The following MCF2L variants were observed in gnomAD, a reference collection of about 807,000 sequenced individuals.
MCF2L encodes guanine nucleotide exchange factor DBS.
Under a neutral mutation model 153.4 loss-of-function variants are expected in MCF2L, and 97 were observed. That is an observed-to-expected ratio of 0.63 (90% CI 0.54 to 0.75). MCF2L has a LOEUF of 0.75. Among genes scored for constraint, MCF2L ranks in the 30% least tolerant of loss-of-function variants. MCF2L has a pLI of 0.00. For missense variants in MCF2L, 1,347 were observed against 1,495.2 expected (o/e 0.90, Z 1.64); for synonymous variants, 659 against 632.2 (o/e 1.04, Z -0.64).
chr13:113,017,604 T>G (rs1275283569), intron 2 of MCF2L, among the ~76,000 whole-genome samples: 5 of 152,198 alleles, frequency 3.3e-5, no homozygotes, highest in African/African-American at 1.2e-4. Flanking sequence ...TAAATCTGGC[T>G]CAGAGGTTTG....
rs2081473146 is a variant in MCF2L, at chr13:112,932,403, C to A, written c.169+30032C>A. 6.6e-6 allele frequency among the ~76,000 whole-genome samples: 1 copy of A among 152,104 alleles called. No homozygotes were observed. The highest frequency in any genetic ancestry group is 1.9e-4 in the East Asian group (1 of 5,200). On this transcript the variant is annotated intron_variant, in intron 2 of 29. Transcript: ENST00000375608. The surrounding 1 kb of genome is among the most constrained non-coding windows in gnomAD (Gnocchi z 4.6). ...AGGGAGCTCTGAGAAGCTGTCACAG[C>A]CAAGAGGAGCTGAAGGAGACAGGAT...
rs1416508981 is a variant in MCF2L, at chr13:112,941,171, G to A, written c.169+38800G>A. ...CTACAAAAATTCAGGTCATCAGCCC[G>A]TAATGCCACCTTGTTTTATCTTGGT... On this transcript the variant is annotated intron_variant, in intron 2 of 29. Coordinates refer to the MCF2L transcript ENST00000375608. This position sits in a 1 kb window ranked among gnomAD's most constrained non-coding sequence, Gnocchi z 4.9. Among the ~76,000 whole-genome samples, 5 of 152,112 alleles carry A rather than the reference G, an allele frequency of 3.3e-5. No individual in the cohort carries two copies. The highest frequency in any genetic ancestry group is 9.7e-5 in the African/African-American group (4 of 41,424).
chr13:113,027,245 G>T lies in MCF2L; in HGVS notation c.278+2487G>T, dbSNP rs2085370187. 6.6e-6 allele frequency among the ~76,000 whole-genome samples: 1 copy of T among 152,158 alleles called. No homozygotes were observed. Among genetic ancestry groups the T allele is most frequent in the South Asian group, 2.1e-4 (1 of 4,822 alleles). ...GAGCTCAGCCCGTCGGCCTGACCTG[G>T]AAAGCAGCACATTGATCCCCTGATA... On this transcript the variant is annotated intron_variant, in intron 3 of 29. Transcript: ENST00000535094. This position sits in a 1 kb window ranked among gnomAD's most constrained non-coding sequence, Gnocchi z 4.8.
intron 1 of MCF2L, among the ~76,000 whole-genome samples, chr13:112,981,065 CCCCTT>C (rs962750190): frequency 6.6e-6 from 1 of 151,504 alleles, no homozygotes; most frequent in Non-Finnish European, 1.5e-5. Context: ...CCTGACATGT[CCCCTT>C]CCTGTGCACT....
intron 1 of MCF2L, among the ~76,000 whole-genome samples, chr13:112,899,073 G>A (rs1256667780): frequency 1.3e-5 from 2 of 152,266 alleles, no homozygotes; most frequent in Non-Finnish European, 2.9e-5. Flanking sequence ...TCGGGGACAG[G>A]AGCTTCCCTG....
intron 1 of MCF2L, among the ~76,000 whole-genome samples, chr13:112,986,866 A>G (rs1249023617): frequency 1.3e-5 from 2 of 152,248 alleles, no homozygotes; most frequent in African/African-American, 4.8e-5. Context: ...AGGGCCGTCT[A>G]GGGTTCTCTC....
At chr13:113,052,246 G>A (rs1042935068) in intron 4 of MCF2L, among the ~76,000 whole-genome samples, 1 of 152,166 alleles carries the variant, frequency 6.6e-6, no homozygotes, top group African/African-American at 2.4e-5. Flanking sequence ...GAAAAAGAAA[G>A]AGCTCTGAGA....
rs557123768 is a variant in MCF2L, at chr13:113,064,113, G to A, written c.490-191G>A. On this transcript the variant is annotated intron_variant, in intron 5 of 29. Transcript: ENST00000535094. The surrounding 1 kb of genome is among the most constrained non-coding windows in gnomAD (Gnocchi z 6.0). ...ACACGCCACCACGAGAGGAGGTGTC[G>A]GCGGGGCGCTGAGCTGCATCCCATC... Among the ~76,000 whole-genome samples, 1 of 152,264 alleles carries A rather than the reference G, an allele frequency of 6.6e-6. No individual in the cohort carries two copies. The highest frequency in any genetic ancestry group is 1.9e-4 in the East Asian group (1 of 5,170).
At chr13:112,979,312 A>G in intron 1 of MCF2L, 1 of 1,180,748 alleles carries the variant, frequency 8.5e-7, no homozygotes, top group Non-Finnish European at 1.1e-6. Flanking sequence ...GGAAAGGCCC[A>G]GAACTTGCAC....
chr13:113,018,783 C>T (rs534094593), intron 2 of MCF2L, among the ~76,000 whole-genome samples: 54 of 152,342 alleles, frequency 3.5e-4, no homozygotes, highest in Middle Eastern at 3.4e-3. Flanking sequence ...AAATGGAGGC[C>T]CTGCCCGGAA....
intron 2 of MCF2L, among the ~76,000 whole-genome samples, chr13:113,023,995 A>G (rs978738932): frequency 2.6e-5 from 4 of 152,318 alleles, no homozygotes; most frequent in Admixed American, 6.5e-5. Flanking sequence ...AACAGATCGC[A>G]AGGCCAGACC....
In MCF2L at chr13:113,022,165, G is replaced by A. The variant is rs1217684201; in HGVS notation, c.164-2479G>A. 2.0e-5 allele frequency among the ~76,000 whole-genome samples: 3 copies of A among 152,122 alleles called. No homozygotes were observed. In the East Asian group the frequency reaches 5.8e-4, roughly 29 times the overall value. On this transcript the variant is annotated intron_variant, in intron 2 of 29. Transcript: ENST00000535094. The stretch of plus-strand genomic sequence containing the variant: ...CTCCCAGATGCCACCTCCACACTGT[G>A]GGTGGGCCAGCCAGTGCTGAGAGGG...
At chr13:112,949,361 A>C (rs1400204597) in intron 2 of MCF2L, among the ~76,000 whole-genome samples, 1 of 152,224 alleles carries the variant, frequency 6.6e-6, no homozygotes, top group African/African-American at 2.4e-5. Context: ...ATAGAGGAGG[A>C]GGCAATACTT....
intron 17 of MCF2L, among the ~76,000 whole-genome samples, chr13:113,083,188 C>T (rs191429157): frequency 9.9e-5 from 15 of 152,254 alleles, no homozygotes; most frequent in East Asian, 3.9e-4. Context: ...CTGCAGTGGA[C>T]AGCCCCCGCT....
rs1484170369 is a variant in MCF2L, at chr13:113,097,584, A to G, written c.*725A>G. On this transcript the variant is annotated 3_prime_UTR_variant, in exon 30 of 30. Transcript: ENST00000535094. ...CACCAAAAGCAGTTAGAAGCCAAGGAGATTCCTTTATCTACCTAGGGTTCA... is the reference window on the plus strand; with the variant it reads ...CACCAAAAGCAGTTAGAAGCCAAGGGGATTCCTTTATCTACCTAGGGTTCA... 6.6e-6 allele frequency: 1 copy of G among 152,174 alleles called. No homozygotes were observed. The highest frequency in any genetic ancestry group is 2.4e-5 in the African/African-American group (1 of 41,422). The allele number at this position is 152,174 out of a possible 1,614,324, so 9.4% of individuals were successfully genotyped here. A position where few individuals can be genotyped will look rare whatever the true frequency, so the allele number is the denominator to read the frequency against.
chr13:112,981,341 C>T lies in MCF2L; in HGVS notation c.79+11883C>T, dbSNP rs187227221. 2.9e-3 allele frequency among the ~76,000 whole-genome samples: 438 copies of T among 152,290 alleles called. 1 individual carries two copies. The highest frequency in any genetic ancestry group is 1.0e-2 in the African/African-American group (415 of 41,560). On this transcript the variant is annotated intron_variant, in intron 1 of 29. Coordinates refer to ENST00000535094, the MANE Select transcript of MCF2L (RefSeq NM_001112732.3). ...GAACTTGTCCCTGTAACTCTCACAG[C>T]GACAGGGCCTCTCTGCGGTGGCAGT... is the stretch of plus-strand genomic sequence containing the variant.
In MCF2L at chr13:112,951,369, A is replaced by G. The variant is rs2081691596; in HGVS notation, c.169+48998A>G. ...ACTCCTGGGAATTTATCCCAGAGAA[A>G]TCAAAATTTATGTGCACATAAATAC... is the stretch of plus-strand genomic sequence containing the variant. On this transcript the variant is annotated intron_variant, in intron 2 of 29. Transcript: ENST00000375608. This position sits in a 1 kb window ranked among gnomAD's most constrained non-coding sequence, Gnocchi z 4.8. Among the ~76,000 whole-genome samples, 1 of 152,228 alleles carries G rather than the reference A, an allele frequency of 6.6e-6. No individual in the cohort carries two copies. The highest frequency in any genetic ancestry group is 1.5e-5 in the Non-Finnish European group (1 of 68,040).
At chr13:113,065,938 C>G in intron 7 of MCF2L, 108 bp from the exon 8 acceptor site, 1 of 1,222,598 alleles carries the variant, frequency 8.2e-7, no homozygotes, top group Non-Finnish European at 1.1e-6. Context: ...GGATTGACCC[C>G]TTCCTCAGTC....
chr13:113,006,829 G>A (rs1293857315), intron 1 of MCF2L, among the ~76,000 whole-genome samples: 3 of 152,222 alleles, frequency 2.0e-5, no homozygotes, highest in South Asian at 2.1e-4. Flanking sequence ...AGCCTCACAT[G>A]TGCGGAGGTT....
Sources: allele counts gnomAD v4.1 joint callset (sites outside exome capture counted in the v4.1 genomes callset), GRCh38; gene constraint gnomAD v4.1.1; non-coding constraint Gnocchi (gnomAD v3.1); transcripts MANE v1.5; gene names NCBI Gene and HGNC (gene_info 2026-07-23, HGNC 2026-07-21).